The following DOCK2 variants were observed in gnomAD, a reference collection of about 807,000 sequenced individuals.
DOCK2 encodes the protein dedicator of cytokinesis 2, also known as dedicator of cytokinesis protein 2.
DOCK2 carries 87 observed loss-of-function variants against 248.9 expected under a neutral mutation model. The ratio of observed to expected loss-of-function variants is 0.35; its 90% CI spans 0.29 to 0.42. The LOEUF (loss-of-function observed/expected upper bound fraction) is 0.42, where lower values mean the gene tolerates loss of function less well. DOCK2 is among the 10% of genes least tolerant of loss of function. The pLI is 1.00. For synonymous variants in DOCK2, 805 were observed against 821.6 expected (o/e 0.98, Z 0.35); for missense variants, 1,747 against 2,300.2 (o/e 0.76, Z 4.92).
intron 27 of DOCK2, among the ~76,000 whole-genome samples, chr5:169,968,742 A>G (rs773447133): frequency 1.1e-4 from 16 of 152,180 alleles, no homozygotes; most frequent in Non-Finnish European, 2.1e-4. Flanking sequence ...AGCTCACTTG[A>G]TGCTGTGTTA....
At chr5:170,005,564 G>A (rs1015233550) in intron 30 of DOCK2, among the ~76,000 whole-genome samples, 2 of 152,162 alleles carry the variant, frequency 1.3e-5, no homozygotes, top group African/African-American at 2.4e-5. Context: ...GACAGGGTAG[G>A]GGAAGGTGTT....
intron 2 of DOCK2, 79 bp downstream of exon 2, chr5:169,654,565 GTC>G: frequency 6.8e-7 from 1 of 1,472,724 alleles, no homozygotes; most frequent in Non-Finnish European, 9.4e-7. Flanking sequence ...CCTCAGCGCT[GTC>G]TCTGAACCTG....
At position 169,699,061 on chromosome 5, in the gene DOCK2, C is replaced by T. The variant is rs562368916; in HGVS notation, c.1056-321C>T. 2.0e-4 allele frequency among the ~76,000 whole-genome samples: 31 copies of T among 151,920 alleles called. No homozygotes were observed. The East Asian group carries it at 5.4e-3, about 27-fold the overall frequency. On this transcript the variant is annotated intron_variant, in intron 11 of 51. Transcript: ENST00000520908. ...ATGAGGCTAGTGACTTTGCTGAAGG[C>T]GTGTGATAACGACTTAGCAGGAGCA...
intron 27 of DOCK2, among the ~76,000 whole-genome samples, chr5:169,853,118 A>G (rs1173741083): frequency 6.6e-6 from 1 of 152,076 alleles, no homozygotes; most frequent in Non-Finnish European, 1.5e-5. Flanking sequence ...TAAAAAGGGG[A>G]GTTTCCCTGC....
chr5:170,081,783 C>T, intron 50 of DOCK2, 59 bp from the exon 51 acceptor site: 5 of 1,506,390 alleles, frequency 3.3e-6, no homozygotes, highest in Non-Finnish European at 4.4e-6. Context: ...TCTACCTCCC[C>T]CAAGGCACTG....
intron 1 of DOCK2, among the ~76,000 whole-genome samples, chr5:169,648,311 G>GA (rs1300765562): frequency 1.3e-5 from 2 of 152,144 alleles, no homozygotes; most frequent in African/African-American, 4.8e-5. Flanking sequence ...GTTGGGACAA[G>GA]AAAAATGTCT....
intron 44 of DOCK2, among the ~76,000 whole-genome samples, chr5:170,061,355 C>G (rs903649427): frequency 6.6e-6 from 1 of 152,164 alleles, no homozygotes; most frequent in African/African-American, 2.4e-5. Context: ...CACAAATACC[C>G]GAGTTGTCTT....
At chr5:169,813,490 C>G (rs1232686328) in intron 26 of DOCK2, among the ~76,000 whole-genome samples, 1 of 152,118 alleles carries the variant, frequency 6.6e-6, no homozygotes, top group African/African-American at 2.4e-5. Flanking sequence ...AAACAATGGA[C>G]AAACATCTAC....
chr5:169,708,937 C>T (rs961562276), intron 15 of DOCK2, among the ~76,000 whole-genome samples: 8 of 152,184 alleles, frequency 5.3e-5, no homozygotes, highest in African/African-American at 1.7e-4. Flanking sequence ...AGTCTGGGTT[C>T]GTATTCCAGC....
At chr5:169,675,992 T>C (rs1759313447) in intron 6 of DOCK2, among the ~76,000 whole-genome samples, 2 of 150,564 alleles carry the variant, frequency 1.3e-5, no homozygotes, top group Non-Finnish European at 3.0e-5. Context: ...CTACTGCCGT[T>C]GGTTCCATGA....
intron 25 of DOCK2, among the ~76,000 whole-genome samples, chr5:169,771,218 G>A (rs187251771): frequency 1.3e-5 from 2 of 152,266 alleles, no homozygotes; most frequent in Non-Finnish European, 2.9e-5. Context: ...AAAATCCTTT[G>A]TTCTGTTTTC....
At chr5:169,731,061 T>G (rs955974539) in intron 22 of DOCK2, among the ~76,000 whole-genome samples, 8 of 152,116 alleles carry the variant, frequency 5.3e-5, no homozygotes, top group African/African-American at 1.9e-4. Context: ...GGAGATGCAG[T>G]CTCACTGTGT....
At position 170,008,607 on chromosome 5, in the gene DOCK2, A is replaced by T; in HGVS notation, c.3173+10A>T. ...ACAAAATCCTGAATAAGTAGGTTGC[A>T]TTTTTGGATTTCCTGAAGAGGGGGA... On this transcript the variant is annotated intron_variant, in intron 31 of 51. Transcript: ENST00000520908. The T allele has an allele frequency of 6.2e-7, 1 of 1,614,078 alleles. No individual in the cohort carries two copies. Among genetic ancestry groups the T allele is most frequent in the Non-Finnish European group, 8.5e-7 (1 of 1,179,972 alleles).
rs1199269646 is a variant in DOCK2 at position 169,637,326 on chromosome 5, C to A, written c.-1C>A. 12 of 1,425,608 alleles carry A rather than the reference C, an allele frequency of 8.4e-6. No individual in the cohort carries two copies. The East Asian group carries it at 3.6e-4, about 43-fold the overall frequency. 88.3% of individuals were successfully genotyped at this position (1,425,608 alleles called of 1,614,324 possible). On this transcript the variant is annotated 5_prime_UTR_variant, in exon 1 of 52. Transcript: ENST00000520908. ...GGAGGACGCGAGGCCCCGGCCCAGC[C>A]ATGGCCCCCTGGCGCAAAGCTGACA...
intron 2 of DOCK2, among the ~76,000 whole-genome samples, chr5:169,656,617 T>C (rs1333858157): frequency 6.6e-6 from 1 of 151,796 alleles, no homozygotes; most frequent in African/African-American, 2.4e-5. Context: ...CTGGCCCCAG[T>C]GGCTCTTTTC....
intron 21 of DOCK2, 33 bp from the exon 22 acceptor site, chr5:169,718,624 A>T: frequency 6.3e-7 from 1 of 1,599,540 alleles, no homozygotes; most frequent in Non-Finnish European, 8.6e-7. Context: ...ATGATGAAAG[A>T]GATGTATTTT....
intron 20 of DOCK2, among the ~76,000 whole-genome samples, 155 bp downstream of exon 20, chr5:169,716,457 C>A (rs1461578660): frequency 6.6e-6 from 1 of 152,176 alleles, no homozygotes; most frequent in Non-Finnish European, 1.5e-5. Context: ...CAATAATGAG[C>A]TGCTATTTCC....
At chr5:170,009,992 C>T (rs77143464) in intron 32 of DOCK2, among the ~76,000 whole-genome samples, 2,499 of 152,276 alleles carry the variant, frequency 0.016, 104 homozygotes, top group South Asian at 0.15. Flanking sequence ...GGCTGTGAGG[C>T]CTAGCATCAC....
At chr5:170,042,840 A>G (rs1337833728) in intron 38 of DOCK2, among the ~76,000 whole-genome samples, 1 of 152,182 alleles carries the variant, frequency 6.6e-6, no homozygotes. Context: ...TGGCTCCCCA[A>G]TTTAGAATGC....
Sources: allele counts gnomAD v4.1 joint callset (sites outside exome capture counted in the v4.1 genomes callset), GRCh38; gene constraint gnomAD v4.1.1; transcripts MANE v1.5; gene names NCBI Gene and HGNC (gene_info 2026-07-23, HGNC 2026-07-21).